Variants in CYRIA observed in about 807,000 individuals in gnomAD.
The protein encoded by CYRIA is CYFIP-related Rac1 interactor A.
CYRIA carries 15 observed loss-of-function variants against 43.9 expected under a neutral mutation model. The observed-to-expected ratio is 0.34, with a 90% CI of 0.23 to 0.53. The LOEUF (loss-of-function observed/expected upper bound fraction) is 0.53. Among genes scored for constraint, CYRIA ranks in the 20% least tolerant of loss-of-function variants. The pLI, the probability that CYRIA is intolerant of heterozygous loss-of-function variation, is 0.94. For synonymous variants in CYRIA, 117 were observed against 136.0 expected, an observed-to-expected ratio of 0.86 and a Z score of 0.97; for missense variants, 236 against 394.2, an observed-to-expected ratio of 0.60 and a Z score of 3.40.
intron 6 of CYRIA, 66 bp from the exon 7 acceptor site, chr2:16,561,599 G>A (rs1338743417): frequency 8.3e-7 from 1 of 1,203,780 alleles, no homozygotes; most frequent in Non-Finnish European, 1.2e-6. Flanking sequence ...GCATTAGGAG[G>A]AGCCCAGACA....
At chr2:16,564,335 T>C (rs1666854169) in intron 4 of CYRIA, among the ~76,000 whole-genome samples, 1 of 152,210 alleles carries the variant, frequency 6.6e-6, no homozygotes, top group South Asian at 2.1e-4. Flanking sequence ...GTTTCTATTA[T>C]CTTGAATACA....
chr2:16,582,350 G>T (rs1667580302), intron 3 of CYRIA, among the ~76,000 whole-genome samples: 1 of 152,308 alleles, frequency 6.6e-6, no homozygotes, highest in East Asian at 1.9e-4. Context: ...TTACAACTTT[G>T]TTGAGATTTA....
chr2:16,587,911 T>G (rs1667790688), intron 3 of CYRIA, 139 bp downstream of exon 3: 1 of 531,896 alleles, frequency 1.9e-6, no homozygotes, highest in African/African-American at 2.0e-5. Flanking sequence ...ATGTCTTTAT[T>G]AGCAGCATGA....
intron 2 of CYRIA, among the ~76,000 whole-genome samples, chr2:16,612,356 A>G (rs1427166098): frequency 2.0e-5 from 3 of 151,886 alleles, no homozygotes; most frequent in Non-Finnish European, 4.4e-5. Flanking sequence ...AAGGAAGGAA[A>G]TAAGGAAGAA....
At chr2:16,599,686 C>G (rs941969836) in intron 2 of CYRIA, among the ~76,000 whole-genome samples, 2 of 151,062 alleles carry the variant, frequency 1.3e-5, no homozygotes, top group African/African-American at 4.9e-5. Context: ...AGAAATCACC[C>G]GTCTTCTGCG....
intron 1 of CYRIA, among the ~76,000 whole-genome samples, chr2:16,656,042 T>A (rs897962997): frequency 1.1e-4 from 17 of 152,126 alleles, no homozygotes; most frequent in Non-Finnish European, 1.9e-4. Flanking sequence ...AGTAGTCAGT[T>A]CCACCTGTGA....
At chr2:16,591,334 C>T (rs1266580800) in intron 2 of CYRIA, among the ~76,000 whole-genome samples, 3 of 152,112 alleles carry the variant, frequency 2.0e-5, no homozygotes, top group Admixed American at 6.6e-5. Context: ...GATGGCTTAT[C>T]GTCTGCTCCT....
intron 2 of CYRIA, among the ~76,000 whole-genome samples, chr2:16,601,725 AAG>A (rs1553342776): frequency 7.3e-4 from 110 of 151,288 alleles, no homozygotes; most frequent in African/African-American, 2.6e-3. Flanking sequence ...AAAAAAAAAA[AAG>A]AGAGAATTCA....
chr2:16,636,939 G>C (rs1314210581), intron 1 of CYRIA, among the ~76,000 whole-genome samples: 2 of 152,122 alleles, frequency 1.3e-5, no homozygotes, highest in East Asian at 3.9e-4. Flanking sequence ...TCATGCCTCT[G>C]TACTCCAGCC....
At chr2:16,645,193 T>C (rs1572200812) in intron 1 of CYRIA, among the ~76,000 whole-genome samples, 1 of 152,218 alleles carries the variant, frequency 6.6e-6, no homozygotes, top group East Asian at 1.9e-4. Context: ...ACAAATGACT[T>C]ATGTTCAGCA....
intron 1 of CYRIA, among the ~76,000 whole-genome samples, chr2:16,655,599 G>C (rs991165304): frequency 2.0e-5 from 3 of 152,190 alleles, no homozygotes; most frequent in Non-Finnish European, 4.4e-5. Flanking sequence ...TGACCCTAAA[G>C]AACTTGAACC....
chr2:16,601,612 TC>T (rs1478685642), intron 2 of CYRIA, among the ~76,000 whole-genome samples: 1 of 151,748 alleles, frequency 6.6e-6, no homozygotes, highest in Non-Finnish European at 1.5e-5. Flanking sequence ...TTCTTGGCTC[TC>T]AGTTCAAAAC....
chr2:16,550,444 G>A lies in CYRIA; in HGVS notation c.*2492C>T, dbSNP rs1314479251. On this transcript the variant is annotated 3_prime_UTR_variant, in exon 12 of 12. Coordinates refer to ENST00000381323, the MANE Select transcript of CYRIA (RefSeq NM_030797.4). ...AGCCCATCACCTGTTAGTGATCACAGACATTCAGTTAACCTGTCCTTCCAG... is the reference window on the plus strand; with the variant it reads ...AGCCCATCACCTGTTAGTGATCACAAACATTCAGTTAACCTGTCCTTCCAG... 6.6e-6 allele frequency: 1 copy of A among 152,088 alleles called. No homozygotes were observed. The highest frequency in any genetic ancestry group is 1.5e-5 in the Non-Finnish European group (1 of 68,018). 9.4% of individuals were successfully genotyped at this position (152,088 alleles called of 1,614,324 possible).
chr2:16,593,816 G>A (rs542343733), intron 2 of CYRIA, among the ~76,000 whole-genome samples: 8 of 142,184 alleles, frequency 5.6e-5, no homozygotes, highest in Middle Eastern at 3.3e-3. Context: ...ATGCTGGTGC[G>A]CTGCACCCAC....
intron 3 of CYRIA, among the ~76,000 whole-genome samples, chr2:16,570,851 G>T (rs1487161175): frequency 6.6e-6 from 1 of 152,140 alleles, no homozygotes; most frequent in Non-Finnish European, 1.5e-5. Flanking sequence ...CTTTGGTAAT[G>T]TTCCTTCTAA....
chr2:16,564,259 A>G (rs1431371640), intron 4 of CYRIA, among the ~76,000 whole-genome samples, 165 bp from the exon 5 acceptor site: 6 of 152,204 alleles, frequency 3.9e-5, no homozygotes, highest in Non-Finnish European at 7.3e-5. Context: ...CTCAATATGA[A>G]TGGAAATTTT....
chr2:16,651,121 G>A (rs980052467), intron 1 of CYRIA, among the ~76,000 whole-genome samples: 4 of 152,020 alleles, frequency 2.6e-5, no homozygotes, highest in African/African-American at 9.7e-5. Flanking sequence ...AGCTATTTCT[G>A]GGGGGTCTGG....
At chr2:16,593,771 A>G (rs1247896215) in intron 2 of CYRIA, among the ~76,000 whole-genome samples, 2 of 120,316 alleles carry the variant, frequency 1.7e-5, no homozygotes, top group African/African-American at 3.3e-5. Flanking sequence ...ACATGTGCAC[A>G]TTGTGCAGGT....
chr2:16,659,752 A>G (rs1289674109), intron 1 of CYRIA, among the ~76,000 whole-genome samples: 2 of 152,254 alleles, frequency 1.3e-5, no homozygotes, highest in Admixed American at 6.5e-5. Flanking sequence ...TGATCGAAAA[A>G]TGATTGTGCA....
Sources: gnomAD v4.1 joint callset for allele counts (sites outside exome capture counted in the v4.1 genomes callset) on GRCh38, gnomAD v4.1.1 for gene constraint, MANE v1.5 for transcripts, NCBI Gene and HGNC (gene_info 2026-07-23, HGNC 2026-07-21) for gene names.